ADGRL3: variants seen among roughly 807,000 people sequenced by gnomAD.
ADGRL3 encodes the protein calcium-independent alpha-latrotoxin receptor 3.
Under a neutral mutation model 153.5 loss-of-function variants are expected in ADGRL3, and 62 were observed. The ratio of observed to expected loss-of-function variants is 0.40; its 90% CI spans 0.33 to 0.50. The LOEUF is 0.50. ADGRL3 is among the 20% of genes least tolerant of loss of function. ADGRL3 has a pLI of 0.47. For synonymous variants in ADGRL3, 710 were observed against 672.5 expected (o/e 1.06, Z -0.86); for missense variants, 1,641 against 1,859.4 (o/e 0.88, Z 2.16).
intron 1 of ADGRL3, among the ~76,000 whole-genome samples, chr4:61,288,103 C>A (rs2094015246): frequency 6.6e-6 from 1 of 151,928 alleles, no homozygotes; most frequent in South Asian, 2.1e-4. Context: ...CCCCCAAGCC[C>A]AGTTCTGTTG....
chr4:62,016,965 T>C, intron 21 of ADGRL3, among the ~76,000 whole-genome samples: 1 of 152,098 alleles, frequency 6.6e-6, no homozygotes, highest in East Asian at 1.9e-4. Flanking sequence ...GTATGATATC[T>C]AATTTCCCTT....
At chr4:61,515,227 A>G (rs1204985347) in intron 3 of ADGRL3, among the ~76,000 whole-genome samples, 1 of 152,148 alleles carries the variant, frequency 6.6e-6, no homozygotes, top group Non-Finnish European at 1.5e-5. Context: ...AAGGGATTTT[A>G]GCCTGGAGGC....
chr4:62,049,332 AT>A (rs1481332201), intron 25 of ADGRL3, among the ~76,000 whole-genome samples: 1 of 152,002 alleles, frequency 6.6e-6, no homozygotes, highest in Non-Finnish European at 1.5e-5. Flanking sequence ...ATGGGTTTTT[AT>A]TTTTCCCTGA....
chr4:61,945,772 CA>C (rs2098919092), intron 15 of ADGRL3, among the ~76,000 whole-genome samples: 1 of 151,780 alleles, frequency 6.6e-6, no homozygotes, highest in African/African-American at 2.4e-5. Context: ...CCAGGTGAGG[CA>C]ATGCCTCGCC....
chr4:62,075,612 A>G lies in ADGRL3; in HGVS notation c.*4704A>G, dbSNP rs979087657. 6 of 152,192 alleles carry G rather than the reference A, an allele frequency of 3.9e-5. No individual in the cohort carries two copies. Among genetic ancestry groups the G allele is most frequent in the African/African-American group, 1.4e-4 (6 of 41,456 alleles). 9.4% of individuals were successfully genotyped at this position (152,192 alleles called of 1,614,324 possible). A position where few individuals can be genotyped will look rare whatever the true frequency, so the allele number is the denominator to read the frequency against. On this transcript the variant is annotated 3_prime_UTR_variant, in exon 27 of 27. Transcript: ENST00000683033. ...GTAATTCATAATTTTAACTTACCAC[A>G]TAAACAATTACTATGCATTTCTAAG...
At chr4:61,793,194 G>A (rs1417516396) in intron 8 of ADGRL3, among the ~76,000 whole-genome samples, 1 of 152,088 alleles carries the variant, frequency 6.6e-6, no homozygotes, top group Non-Finnish European at 1.5e-5. Flanking sequence ...GGAGGCCGAG[G>A]CAGGTGGATC....
chr4:62,035,176 A>G (rs1724286549), intron 23 of ADGRL3, among the ~76,000 whole-genome samples: 1 of 152,022 alleles, frequency 6.6e-6, no homozygotes, highest in South Asian at 2.1e-4. Context: ...TAAAGTCAGT[A>G]TAATGATTCA....
intron 1 of ADGRL3, among the ~76,000 whole-genome samples, chr4:61,291,211 C>CACGG (rs1402777379): frequency 3.4e-4 from 16 of 47,294 alleles, no homozygotes; most frequent in African/African-American, 6.9e-4. Context: ...CACACACACA[C>CACGG]ACACACGCAC....
intron 25 of ADGRL3, among the ~76,000 whole-genome samples, chr4:62,064,155 G>A (rs975942535): frequency 2.0e-5 from 3 of 152,092 alleles, no homozygotes; most frequent in Non-Finnish European, 4.4e-5. Context: ...GATAAAGACA[G>A]TGTACTGGGC....
chr4:61,806,573 A>G (rs978053500), intron 8 of ADGRL3, among the ~76,000 whole-genome samples: 1 of 152,074 alleles, frequency 6.6e-6, no homozygotes, highest in African/African-American at 2.4e-5. Context: ...CATTTTCATA[A>G]CAGAATTTGA....
chr4:61,362,296 C>A (rs573422521), intron 1 of ADGRL3, among the ~76,000 whole-genome samples: 1 of 151,146 alleles, frequency 6.6e-6, no homozygotes, highest in South Asian at 2.1e-4. Context: ...ACTCATGGCA[C>A]CCTGCCTGAT....
chr4:61,433,257 T>C (rs1479123364), intron 2 of ADGRL3, among the ~76,000 whole-genome samples: 1 of 152,160 alleles, frequency 6.6e-6, no homozygotes, highest in Admixed American at 6.5e-5. Flanking sequence ...AATATGTATG[T>C]AGTATGTAAG....
intron 4 of ADGRL3, among the ~76,000 whole-genome samples, chr4:61,549,730 T>G (rs2098731712): frequency 6.6e-6 from 1 of 152,046 alleles, no homozygotes; most frequent in Non-Finnish European, 1.5e-5. Context: ...ACAGCTGTAT[T>G]TACAGGGCCT....
chr4:61,338,046 C>T (rs1245338501), intron 1 of ADGRL3, among the ~76,000 whole-genome samples: 1 of 152,058 alleles, frequency 6.6e-6, no homozygotes, highest in Non-Finnish European at 1.5e-5. Context: ...AGACGGATCA[C>T]TTCAGGCCAG....
At chr4:61,779,488 G>T (rs1027756156) in intron 8 of ADGRL3, among the ~76,000 whole-genome samples, 4 of 151,620 alleles carry the variant, frequency 2.6e-5, no homozygotes, top group Admixed American at 6.6e-5. Flanking sequence ...ACAAAAATTA[G>T]CCGGGCATGG....
chr4:61,347,626 G>T (rs1374463302), intron 1 of ADGRL3, among the ~76,000 whole-genome samples: 1 of 152,046 alleles, frequency 6.6e-6, no homozygotes, highest in Non-Finnish European at 1.5e-5. Flanking sequence ...CTATCACAGT[G>T]CTTTGCTTTT....
chr4:61,939,244 G>A (rs2150199828), intron 15 of ADGRL3, among the ~76,000 whole-genome samples: 1 of 152,182 alleles, frequency 6.6e-6, no homozygotes, highest in Middle Eastern at 3.4e-3. Context: ...TTGCAATTGA[G>A]AAATAATTTA....
At chr4:61,540,485 G>A (rs1001856590) in intron 4 of ADGRL3, among the ~76,000 whole-genome samples, 2 of 151,772 alleles carry the variant, frequency 1.3e-5, no homozygotes, top group African/African-American at 4.8e-5. Flanking sequence ...CAAGGCGGAG[G>A]TGCAGTGAGC....
At chr4:61,732,475 C>A (rs1375303631) in intron 7 of ADGRL3, among the ~76,000 whole-genome samples, 1 of 151,882 alleles carries the variant, frequency 6.6e-6, no homozygotes, top group African/African-American at 2.4e-5. Context: ...ATATATGTTT[C>A]CAAAAATATT....
Sources: allele counts gnomAD v4.1 joint callset (sites outside exome capture counted in the v4.1 genomes callset), GRCh38; gene constraint gnomAD v4.1.1; transcripts MANE v1.5; gene names NCBI Gene and HGNC (gene_info 2026-07-23, HGNC 2026-07-21).